ZMYND19: variants seen among roughly 807,000 people sequenced by gnomAD.
ZMYND19 encodes the protein zinc finger MYND-type containing 19.
ZMYND19 carries 17 observed loss-of-function variants against 32.0 expected under a neutral mutation model. That is an observed-to-expected ratio of 0.53 (90% confidence interval 0.36 to 0.80). The LOEUF is 0.80. Ranked by LOEUF, ZMYND19 falls within the 30% of genes least tolerant of loss-of-function variation. The probability of loss-of-function intolerance (pLI) is 0.00; values close to 1 mark genes in which losing one functional copy is unlikely to be tolerated. For synonymous variants in ZMYND19, 124 were observed against 113.6 expected (o/e 1.09, Z -0.58); for missense variants, 250 against 293.6 (o/e 0.85, Z 1.09).
Position 137,582,516 on chromosome 9 carries a change from T to G in ZMYND19, c.*27A>C, listed in dbSNP as rs1239101182. On this transcript the variant is annotated 3_prime_UTR_variant, in exon 6 of 6. Coordinates refer to ENST00000298585, the MANE Select transcript of ZMYND19 (RefSeq NM_138462.3). ...TGTGCCCAGGGTAGAGCCCGGGGGC[T>G]GTGAGTATGTGTGGCTCCCCTGCCC... is the stretch of plus-strand genomic sequence containing the variant. The G allele has an allele frequency of 1.9e-6, 3 of 1,607,170 alleles. No homozygotes were observed. The African/African-American group carries it at 4.0e-5, about 21-fold the overall frequency.
At chr9:137,584,354 C>A (rs1323968960) in intron 4 of ZMYND19, among the ~76,000 whole-genome samples, 1 of 152,256 alleles carries the variant, frequency 6.6e-6, no homozygotes, top group Non-Finnish European at 1.5e-5. Context: ...TCCTGCCGTG[C>A]CCACAGAGAA....
At position 137,590,316 on chromosome 9, in the gene ZMYND19, CG is replaced by C; in HGVS notation, c.-54del. 7.9e-6 allele frequency: 8 copies of C among 1,014,124 alleles called. No homozygotes were observed. The highest frequency in any genetic ancestry group is 4.2e-5 in the South Asian group (1 of 23,946). The allele number at this position is 1,014,124 out of a possible 1,614,324, so 62.8% of individuals were successfully genotyped here. A position where few individuals can be genotyped will look rare whatever the true frequency, so the allele number is the denominator to read the frequency against. On this transcript the variant is annotated 5_prime_UTR_variant, in exon 1 of 6. Transcript: ENST00000298585. The surrounding 1 kb of genome is among the most constrained non-coding windows in gnomAD (Gnocchi z 4.2). ...CGCCGCTCCCTCGGGAGGCGCCGAG[CG>C]GGGGCCGGGGCGAGGCCGCGGCGCG... is the stretch of plus-strand genomic sequence containing the variant.
chr9:137,585,890 G>C (rs1378222837), intron 4 of ZMYND19, among the ~76,000 whole-genome samples: 1 of 152,262 alleles, frequency 6.6e-6, no homozygotes, highest in Non-Finnish European at 1.5e-5. Context: ...CGCACTGCCT[G>C]CACCAGGAAA....
chr9:137,587,612 G>A, intron 3 of ZMYND19, 105 bp downstream of exon 3: 2 of 945,160 alleles, frequency 2.1e-6, no homozygotes, highest in Non-Finnish European at 3.4e-6. Flanking sequence ...TTCAGGGAAG[G>A]CAAGGCAGGG....
At position 137,590,049 on chromosome 9, in the gene ZMYND19, C is replaced by A; in HGVS notation, c.51+164G>T. On this transcript the variant is annotated intron_variant, in intron 1 of 5. Coordinates refer to ENST00000298585, the MANE Select transcript of ZMYND19 (RefSeq NM_138462.3). The surrounding 1 kb of genome is among the most constrained non-coding windows in gnomAD (Gnocchi z 4.2). ...CCGGCCTGCGAGAGGAAGCTGCACC[C>A]GCGCGGGGCCAGCAGCCGGGCCCGC... The A allele has an allele frequency of 1.0e-6, 1 of 983,736 alleles. No individual in the cohort carries two copies. Among genetic ancestry groups the A allele is most frequent in the African/African-American group, 1.7e-5 (1 of 57,214 alleles). The allele number at this position is 983,736 out of a possible 1,614,324, so 60.9% of individuals were successfully genotyped here. A position where few individuals can be genotyped will look rare whatever the true frequency, so the allele number is the denominator to read the frequency against.
intron 1 of ZMYND19, chr9:137,589,787 G>A (rs1425260491): frequency 1.0e-6 from 1 of 985,380 alleles, no homozygotes; most frequent in Non-Finnish European, 1.2e-6. Flanking sequence ...GAGAGGTGTG[G>A]AAGTGGCGCT....
chr9:137,585,440 G>A (rs1158934025), intron 4 of ZMYND19, among the ~76,000 whole-genome samples: 1 of 150,628 alleles, frequency 6.6e-6, no homozygotes, highest in East Asian at 1.9e-4. Flanking sequence ...AAAAAATGCT[G>A]AGGCAAGAGG....
At position 137,588,660 on chromosome 9, in the gene ZMYND19, T is replaced by A; in HGVS notation, c.110A>T (p.Glu37Val). Reference sequence around the variant, plus strand: ...GAGGGAACAGCCATCCTTACTTACCTCAAAGGAGTAGCTCTCCACCAGCGG... The same window carrying A: ...GAGGGAACAGCCATCCTTACTTACCACAAAGGAGTAGCTCTCCACCAGCGG... ...DIPLVESYSFEARMEVDADGN... is the reference protein window; with the variant it reads ...DIPLVESYSFVARMEVDADGN... Residue 37 changes from glutamate to valine, a missense_variant and splice_region_variant, in exon 2 of 6, where the codon GAG (glutamate) becomes GTG (valine). Around this residue, in one of 2 missense-constraint regions of ZMYND19, gnomAD observed 212 missense variants for 218.8 expected, o/e 0.97. Transcript: ENST00000298585. 6.2e-7 allele frequency: 1 copy of A among 1,614,130 alleles called. No individual in the cohort carries two copies.
At chr9:137,588,508 G>A in intron 2 of ZMYND19, 151 bp downstream of exon 2, 1 of 810,786 alleles carries the variant, frequency 1.2e-6, no homozygotes, top group Non-Finnish European at 2.0e-6. Flanking sequence ...GGCTCGAAGT[G>A]GGGCTGACGG....
chr9:137,588,445 TGTGGGCCACA>T (rs3831164), intron 2 of ZMYND19, among the ~76,000 whole-genome samples: 33,427 of 152,098 alleles, frequency 0.22, 3,866 homozygotes, highest in Admixed American at 0.34. Context: ...CGCCAGGCCA[TGTGGGCCACA>T]GTGGGCTCCA....
At chr9:137,589,010 G>C (rs1274910665) in intron 1 of ZMYND19, 3 of 400,394 alleles carry the variant, frequency 7.5e-6, no homozygotes, top group Non-Finnish European at 1.4e-5. Flanking sequence ...CCCAACAGTG[G>C]CACTGAACAT....
In ZMYND19 at chr9:137,590,166, G is replaced by A. The variant is rs1164791369; in HGVS notation, c.51+47C>T. On this transcript the variant is annotated intron_variant, in intron 1 of 5. Coordinates refer to ENST00000298585, the MANE Select transcript of ZMYND19 (RefSeq NM_138462.3). This position sits in a 1 kb window ranked among gnomAD's most constrained non-coding sequence, Gnocchi z 4.2. ...CAACCGCCCCCGGCCCCGCGCGGAG[G>A]CCTGGACGGGCGAGACGGGCCGGGT... 9.8e-7 allele frequency: 1 copy of A among 1,020,668 alleles called. No homozygotes were observed. The highest frequency in any genetic ancestry group is 1.8e-5 in the African/African-American group (1 of 57,104). The allele number at this position is 1,020,668 out of a possible 1,614,324, so 63.2% of individuals were successfully genotyped here. A position where few individuals can be genotyped will look rare whatever the true frequency, so the allele number is the denominator to read the frequency against.
chr9:137,583,264 A>C, intron 4 of ZMYND19, 101 bp from the exon 5 acceptor site: 1 of 1,335,170 alleles, frequency 7.5e-7, no homozygotes, highest in Non-Finnish European at 1.0e-6. Flanking sequence ...TGCCCAGGAC[A>C]CCCAGCCCGA....
At chr9:137,589,121 A>G (rs936041887) in intron 1 of ZMYND19, 2 of 195,250 alleles carry the variant, frequency 1.0e-5, no homozygotes, top group Non-Finnish European at 2.0e-5. Context: ...GGGTGTGTTT[A>G]TTAAGCTGAG....
At chr9:137,589,276 G>A (rs1349244622) in intron 1 of ZMYND19, 1 of 966,250 alleles carries the variant, frequency 1.0e-6, no homozygotes, top group East Asian at 1.1e-4. Context: ...TTCCCTGGTG[G>A]AAAAAAGCCT....
chr9:137,588,763 C>A (rs374147431), intron 1 of ZMYND19, 45 bp from the exon 2 acceptor site: 1 of 1,609,454 alleles, frequency 6.2e-7, no homozygotes, highest in Admixed American at 1.7e-5. Flanking sequence ...TTGGGATCTG[C>A]GTGAGGTGCA....
chr9:137,585,599 C>T (rs564324836), intron 4 of ZMYND19, among the ~76,000 whole-genome samples: 41 of 152,080 alleles, frequency 2.7e-4, no homozygotes, highest in Non-Finnish European at 4.6e-4. Flanking sequence ...TGCCTTCGTC[C>T]TGAGAGGCCC....
intron 4 of ZMYND19, among the ~76,000 whole-genome samples, chr9:137,583,965 G>A (rs997332875): frequency 6.6e-6 from 1 of 152,240 alleles, no homozygotes; most frequent in Non-Finnish European, 1.5e-5. Flanking sequence ...ACCACAAAGA[G>A]CCGGACCACA....
At chr9:137,586,724 G>A (rs1394728390) in intron 4 of ZMYND19, among the ~76,000 whole-genome samples, 3 of 152,334 alleles carry the variant, frequency 2.0e-5, no homozygotes, top group Non-Finnish European at 4.4e-5. Flanking sequence ...CCAGCTAAAG[G>A]GAGGTTCCCA....
Sources: allele counts gnomAD v4.1 joint callset (sites outside exome capture counted in the v4.1 genomes callset), GRCh38; gene constraint gnomAD v4.1.1; regional missense constraint gnomAD v4.1.1; non-coding constraint Gnocchi (gnomAD v3.1); transcripts MANE v1.5; gene names NCBI Gene and HGNC (gene_info 2026-07-23, HGNC 2026-07-21).